TBCEL: variants seen among roughly 807,000 people sequenced by gnomAD.
TBCEL encodes tubulin-specific chaperone cofactor E-like protein.
A neutral mutation model predicts 44.2 loss-of-function variants in TBCEL; 15 were observed. That is an observed-to-expected ratio of 0.34 (90% CI 0.23 to 0.52). TBCEL has a LOEUF of 0.52. TBCEL is among the 20% of genes least tolerant of loss of function. The probability of loss-of-function intolerance (pLI) is 0.95; values close to 1 mark genes in which losing one functional copy is unlikely to be tolerated. For missense variants in TBCEL, 319 were observed against 506.3 expected (o/e 0.63, Z 3.55); for synonymous variants, 171 against 185.4 (o/e 0.92, Z 0.63).
intron 4 of TBCEL, among the ~76,000 whole-genome samples, chr11:121,051,213 T>C (rs1444778332): frequency 6.6e-6 from 1 of 151,820 alleles, no homozygotes; most frequent in African/African-American, 2.4e-5. Context: ...ATTTTCACTG[T>C]ACAGTAATGC....
chr11:121,086,220 G>A (rs1239251824), intron 8 of TBCEL, among the ~76,000 whole-genome samples: 1 of 152,078 alleles, frequency 6.6e-6, no homozygotes, highest in Non-Finnish European at 1.5e-5. Flanking sequence ...TTCCAAGAAT[G>A]TATTCTTAAT....
At chr11:121,060,396 T>C (rs2134962790) in intron 8 of TBCEL, among the ~76,000 whole-genome samples, 1 of 151,994 alleles carries the variant, frequency 6.6e-6, no homozygotes, top group South Asian at 2.1e-4. Context: ...TGGGGTACAT[T>C]TTTACCTACC....
chr11:121,051,750 A>T (rs2134938937), intron 4 of TBCEL, among the ~76,000 whole-genome samples: 1 of 151,938 alleles, frequency 6.6e-6, no homozygotes, highest in East Asian at 1.9e-4. Flanking sequence ...CTTCATTTGT[A>T]AAATGAGGAT....
chr11:121,056,678 A>G (rs1945626691), intron 6 of TBCEL, among the ~76,000 whole-genome samples: 3 of 151,784 alleles, frequency 2.0e-5, no homozygotes, highest in Non-Finnish European at 2.9e-5. Context: ...TGACTATTCT[A>G]ATAGGTATAT....
Position 121,055,412 on chromosome 11 carries a change from G to A in TBCEL, c.712+104G>A, listed in dbSNP as rs943477211. 4.7e-6 allele frequency: 6 copies of A among 1,267,036 alleles called. No individual in the cohort carries two copies. In the Admixed American group the frequency reaches 2.0e-4, roughly 43 times the overall value. The allele number at this position is 1,267,036 out of a possible 1,614,324, so 78.5% of individuals were successfully genotyped here. A position where few individuals can be genotyped will look rare whatever the true frequency, so the allele number is the denominator to read the frequency against. ...TTCAGTCACAGTTTTACCTTTTTTA[G>A]AGTGAATTTTCTATATGACATGCAG... On this transcript the variant is annotated intron_variant, in intron 6 of 8. Transcript: ENST00000683345.
intron 4 of TBCEL, 93 bp from the exon 5 acceptor site, chr11:121,053,458 C>T: frequency 3.3e-6 from 4 of 1,215,240 alleles, no homozygotes; most frequent in Middle Eastern, 2.3e-4. Context: ...GGCCCTTTGC[C>T]TGGAGACCAG....
intron 8 of TBCEL, among the ~76,000 whole-genome samples, chr11:121,076,341 A>AT (rs1201672730): frequency 1.3e-5 from 2 of 151,716 alleles, no homozygotes; most frequent in East Asian, 1.9e-4. Flanking sequence ...TTATTTAAGT[A>AT]TTTTTTTTAA....
At position 121,045,563 on chromosome 11, in the gene TBCEL, T is replaced by C. The variant is rs188811860; in HGVS notation, c.-17-111T>C. On this transcript the variant is annotated intron_variant, in intron 2 of 8. Coordinates refer to ENST00000683345, the MANE Select transcript of TBCEL (RefSeq NM_001363644.2). Reference sequence around the variant, plus strand: ...CTGGGGTCAGTAACTAAGTATCATATGTCTTGCAATGCCTAGTCTAGTACT... The same window carrying C: ...CTGGGGTCAGTAACTAAGTATCATACGTCTTGCAATGCCTAGTCTAGTACT... The C allele has an allele frequency of 2.6e-4, 210 of 806,070 alleles. 1 individual carries two copies. The Middle Eastern group carries it at 3.7e-3, about 14-fold the overall frequency. The allele number at this position is 806,070 out of a possible 1,614,324, so 49.9% of individuals were successfully genotyped here.
At chr11:121,072,003 A>G (rs1051029072) in intron 8 of TBCEL, among the ~76,000 whole-genome samples, 1 of 152,128 alleles carries the variant, frequency 6.6e-6, no homozygotes, top group Non-Finnish European at 1.5e-5. Context: ...AGCACTCCTC[A>G]CATTCAGCCG....
intron 8 of TBCEL, among the ~76,000 whole-genome samples, chr11:121,080,221 ATG>A (rs1427860036): frequency 6.6e-6 from 1 of 152,188 alleles, no homozygotes; most frequent in Non-Finnish European, 1.5e-5. Context: ...AGAGAGATGT[ATG>A]TATTAGGGAT....
chr11:121,047,935 TAAAAAA>T (rs141948107), intron 4 of TBCEL: 6 of 115,150 alleles, frequency 5.2e-5, no homozygotes, highest in African/African-American at 6.8e-5. Context: ...ATCTTTAATT[TAAAAAA>T]AAAAAAAAAA....
In TBCEL at chr11:121,056,272, G is replaced by T. The variant is rs142927655; in HGVS notation, c.712+964G>T. On this transcript the variant is annotated intron_variant, in intron 6 of 8. Coordinates refer to ENST00000683345, the MANE Select transcript of TBCEL (RefSeq NM_001363644.2). Reference sequence around the variant, plus strand: ...ATTAGCTTCTTTCACTTAGGAATATGCCTTTAAGTCCTCCATGCCTTTTCA... The same window carrying T: ...ATTAGCTTCTTTCACTTAGGAATATTCCTTTAAGTCCTCCATGCCTTTTCA... Among the ~76,000 whole-genome samples, 1,223 of 151,850 alleles carry T rather than the reference G, an allele frequency of 8.1e-3. 18 individuals carry two copies. Among genetic ancestry groups the T allele is most frequent in the African/African-American group, 0.028 (1,168 of 41,482 alleles).
chr11:121,036,123 ATAAG>A (rs1398958284), intron 1 of TBCEL: 1 of 152,212 alleles, frequency 6.6e-6, no homozygotes, highest in Non-Finnish European at 1.5e-5. Context: ...GTAAATAGAG[ATAAG>A]TTAGTTTTTC....
chr11:121,058,106 T>C (rs1945654643), intron 6 of TBCEL, among the ~76,000 whole-genome samples: 1 of 151,818 alleles, frequency 6.6e-6, no homozygotes, highest in South Asian at 2.1e-4. Context: ...GATGAGAGGA[T>C]GTTAGACAAT....
At chr11:121,085,553 A>G (rs1394970759) in intron 8 of TBCEL, among the ~76,000 whole-genome samples, 1 of 152,254 alleles carries the variant, frequency 6.6e-6, no homozygotes, top group Non-Finnish European at 1.5e-5. Context: ...GCCAAGTCAC[A>G]CAGCTAATTA....
intron 1 of TBCEL, chr11:121,035,994 G>A (rs1039293660): frequency 6.6e-6 from 1 of 152,160 alleles, no homozygotes; most frequent in Non-Finnish European, 1.5e-5. Context: ...CTGTTGACAT[G>A]AAATACTCCT....
At chr11:121,062,478 A>C (rs1054598390) in intron 8 of TBCEL, among the ~76,000 whole-genome samples, 1 of 152,092 alleles carries the variant, frequency 6.6e-6, no homozygotes, top group African/African-American at 2.4e-5. Flanking sequence ...TGCTTGAGTT[A>C]TATGTTGCGT....
intron 8 of TBCEL, among the ~76,000 whole-genome samples, chr11:121,067,081 ATTAACT>A (rs1945835162): frequency 1.3e-5 from 2 of 152,210 alleles, no homozygotes; most frequent in Non-Finnish European, 2.9e-5. Context: ...AATAGCTCTA[ATTAACT>A]TTAACATAAA....
chr11:121,041,663 C>A (rs2134908284), intron 2 of TBCEL, among the ~76,000 whole-genome samples: 1 of 151,756 alleles, frequency 6.6e-6, no homozygotes, highest in South Asian at 2.1e-4. Flanking sequence ...AGTGAAAGAT[C>A]TTTTTCCATC....
Sources: allele counts gnomAD v4.1 joint callset (sites outside exome capture counted in the v4.1 genomes callset), GRCh38; gene constraint gnomAD v4.1.1; transcripts MANE v1.5; gene names NCBI Gene and HGNC (gene_info 2026-07-23, HGNC 2026-07-21).